Variants in GRIP1 observed in about 807,000 individuals in gnomAD.
GRIP1 encodes glutamate receptor interacting protein 1.
GRIP1 carries 45 observed loss-of-function variants against 129.9 expected under a neutral mutation model. The observed-to-expected ratio is 0.35, with a 90% confidence interval of 0.27 to 0.44. The LOEUF (loss-of-function observed/expected upper bound fraction) is 0.44, where lower values mean the gene tolerates loss of function less well. Among genes scored for constraint, GRIP1 ranks in the 20% least tolerant of loss-of-function variants. GRIP1 has a pLI of 1.00. For missense variants in GRIP1, 1,196 were observed against 1,396.8 expected (o/e 0.86, Z 2.29); for synonymous variants, 530 against 520.8 (o/e 1.02, Z -0.24).
At chr12:66,521,000 C>T (rs1272374051) in intron 5 of GRIP1, among the ~76,000 whole-genome samples, 4 of 152,120 alleles carry the variant, frequency 2.6e-5, no homozygotes, top group Non-Finnish European at 5.9e-5. Flanking sequence ...TTATTTTAAA[C>T]AGAAATTTAG....
At chr12:66,929,725 A>G (rs971311060) in intron 1 of GRIP1, among the ~76,000 whole-genome samples, 1 of 152,136 alleles carries the variant, frequency 6.6e-6, no homozygotes, top group Non-Finnish European at 1.5e-5. Context: ...TATGTATCTG[A>G]CTACCTTATG....
intron 1 of GRIP1, among the ~76,000 whole-genome samples, chr12:66,704,379 A>G (rs1418617903): frequency 6.6e-6 from 1 of 152,054 alleles, no homozygotes; most frequent in Non-Finnish European, 1.5e-5. Flanking sequence ...TTTTATATAA[A>G]TAAGAAAAAT....
intron 4 of GRIP1, among the ~76,000 whole-genome samples, chr12:66,531,637 G>A (rs2061466510): frequency 6.6e-6 from 1 of 152,040 alleles, no homozygotes; most frequent in Non-Finnish European, 1.5e-5. Flanking sequence ...GCTATCAGGG[G>A]AATTTCAGCT....
At chr12:66,374,646 G>A (rs1350000673) in intron 22 of GRIP1, among the ~76,000 whole-genome samples, 2 of 152,206 alleles carry the variant, frequency 1.3e-5, no homozygotes, top group African/African-American at 4.8e-5. Flanking sequence ...CAGGACACAT[G>A]TTGGAAGTAA....
At chr12:66,815,853 T>TC (rs369471900) in intron 1 of GRIP1, among the ~76,000 whole-genome samples, 21,234 of 104,434 alleles carry the variant, frequency 0.2, 1,899 homozygotes, top group Admixed American at 0.26. Context: ...TCTTTCTTTC[T>TC]TTCTCTCTCT....
chr12:66,496,522 T>C (rs929020560), intron 7 of GRIP1, among the ~76,000 whole-genome samples: 1 of 152,180 alleles, frequency 6.6e-6, no homozygotes, highest in South Asian at 2.1e-4. Flanking sequence ...TGCTTCCCAA[T>C]ATTCAAAGAA....
chr12:66,439,402 T>G (rs2058408003), intron 13 of GRIP1, among the ~76,000 whole-genome samples: 1 of 152,220 alleles, frequency 6.6e-6, no homozygotes, highest in Non-Finnish European at 1.5e-5. Context: ...TTTCTCTCAC[T>G]ATCCCTTTTT....
chr12:66,376,895 T>A, intron 22 of GRIP1, 122 bp downstream of exon 22: 1 of 796,446 alleles, frequency 1.3e-6, no homozygotes. Context: ...TCAGTAAGCT[T>A]GAGGGGTGGA....
At chr12:66,610,822 T>C (rs1267567623) in intron 1 of GRIP1, among the ~76,000 whole-genome samples, 1 of 152,116 alleles carries the variant, frequency 6.6e-6, no homozygotes. Context: ...CAACAGACAT[T>C]GCAGAGGTGG....
rs115718383 is a variant in GRIP1, at chr12:66,971,383, C to T, written c.58+97667G>A. Among the ~76,000 whole-genome samples the T allele has an allele frequency of 4.4e-3, 669 of 152,196 alleles. 4 individuals are homozygous for T. Among genetic ancestry groups the T allele is most frequent in the African/African-American group, 0.015 (631 of 41,506 alleles). ...TTCATATTCCTATTTTCAATACTTA[C>T]TTTATAGAAACAGAAATGTTTGCTT... On this transcript the variant is annotated intron_variant, in intron 1 of 1. Coordinates refer to the GRIP1 transcript ENST00000643019.
intron 1 of GRIP1, among the ~76,000 whole-genome samples, chr12:66,924,992 A>G (rs2041273528): frequency 6.6e-6 from 1 of 152,174 alleles, no homozygotes; most frequent in Non-Finnish European, 1.5e-5. Context: ...AAATTAAGAG[A>G]GCAAGATAAG....
intron 1 of GRIP1, among the ~76,000 whole-genome samples, chr12:67,038,237 A>G (rs970810237): frequency 6.6e-6 from 1 of 152,244 alleles, no homozygotes; most frequent in Non-Finnish European, 1.5e-5. Flanking sequence ...CACTGGCAGA[A>G]GCCCCAATAA....
chr12:66,806,597 T>C (rs1042351937), upstream of GRIP1, among the ~76,000 whole-genome samples: 2 of 152,196 alleles, frequency 1.3e-5, no homozygotes, highest in African/African-American at 4.8e-5. Context: ...TACTCTTTAA[T>C]ACAAAGAAGA....
intron 1 of GRIP1, among the ~76,000 whole-genome samples, chr12:66,962,077 A>G (rs1566096358): frequency 6.6e-6 from 1 of 152,110 alleles, no homozygotes; most frequent in Non-Finnish European, 1.5e-5. Flanking sequence ...TAGCATATAT[A>G]TATTTATAGT....
At chr12:66,481,613 A>C (rs1239705070) in intron 7 of GRIP1, among the ~76,000 whole-genome samples, 1 of 152,202 alleles carries the variant, frequency 6.6e-6, no homozygotes, top group African/African-American at 2.4e-5. Context: ...TACCCAAAGG[A>C]TTATAAATCA....
chr12:66,575,746 G>A (rs1428317098), intron 2 of GRIP1, among the ~76,000 whole-genome samples: 3 of 152,180 alleles, frequency 2.0e-5, no homozygotes, highest in African/African-American at 4.8e-5. Flanking sequence ...GTCTCTGCTT[G>A]TAGAAGCTGG....
chr12:66,536,836 C>T (rs1014034214), intron 4 of GRIP1, among the ~76,000 whole-genome samples: 2 of 152,174 alleles, frequency 1.3e-5, no homozygotes, highest in African/African-American at 4.8e-5. Context: ...CTCAATAAGT[C>T]ATTGCTGAAC....
intron 1 of GRIP1, among the ~76,000 whole-genome samples, chr12:66,962,587 A>G (rs1265083025): frequency 2.0e-5 from 3 of 152,216 alleles, no homozygotes; most frequent in Admixed American, 6.5e-5. Context: ...TAAGGCGTCA[A>G]TTAAAGAAGA....
At chr12:67,006,520 A>C (rs141135836) in intron 1 of GRIP1, among the ~76,000 whole-genome samples, 1 of 152,288 alleles carries the variant, frequency 6.6e-6, no homozygotes, top group Non-Finnish European at 1.5e-5. Flanking sequence ...CTGGGAAGTC[A>C]AGGCTACAGT....
Sources: gnomAD v4.1 joint callset for allele counts (sites outside exome capture counted in the v4.1 genomes callset) on GRCh38, gnomAD v4.1.1 for gene constraint, MANE v1.5 for transcripts, NCBI Gene and HGNC (gene_info 2026-07-23, HGNC 2026-07-21) for gene names.